Variants in NAALADL2 observed in about 807,000 individuals in gnomAD.
The protein encoded by NAALADL2 is inactive N-acetylated-alpha-linked acidic dipeptidase-like protein 2.
A neutral mutation model predicts 87.2 loss-of-function variants in NAALADL2; 76 were observed. The ratio of observed to expected loss-of-function variants is 0.87; its 90% CI spans 0.72 to 1.05. The LOEUF (loss-of-function observed/expected upper bound fraction) is 1.05, where lower values mean the gene tolerates loss of function less well. Ranked by LOEUF, NAALADL2 falls within the 50% of genes least tolerant of loss-of-function variation. The pLI, the probability that NAALADL2 is intolerant of heterozygous loss-of-function variation, is 0.00. For missense variants in NAALADL2, 1,089 were observed against 945.8 expected, an observed-to-expected ratio of 1.15 and a Z score of -1.99; for synonymous variants, 354 against 331.0, an observed-to-expected ratio of 1.07 and a Z score of -0.75.
chr3:174,529,175 T>C lies in NAALADL2; in HGVS notation c.-183-21394T>C, dbSNP rs148756103. On this transcript the variant is annotated intron_variant, in intron 1 of 3. Transcript: ENST00000434257. The stretch of plus-strand genomic sequence containing the variant: ...ATAAGAATGAGGTAAATACACCTAT[T>C]CTTAATGGGAGACACTGTCCAAAAC... 4.8e-3 allele frequency among the ~76,000 whole-genome samples: 732 copies of C among 152,316 alleles called. 2 individuals carry two copies. The highest frequency in any genetic ancestry group is 7.7e-3 in the Non-Finnish European group (522 of 68,024).
rs1760431304 is a variant in NAALADL2, at chr3:175,324,438, A to G, written c.1090+113A>G. 8.8e-6 allele frequency: 7 copies of G among 798,882 alleles called. No individual in the cohort carries two copies. The South Asian group carries it at 1.8e-4, about 20-fold the overall frequency. The allele number at this position is 798,882 out of a possible 1,614,324, so 49.5% of individuals were successfully genotyped here. A position where few individuals can be genotyped will look rare whatever the true frequency, so the allele number is the denominator to read the frequency against. On this transcript the variant is annotated intron_variant, in intron 5 of 13. Transcript: ENST00000454872. The stretch of plus-strand genomic sequence containing the variant: ...GATGTCAAATAATTCTTAGCATCCC[A>G]TCTTATTATTTTAAAAAGCAATTTA...
intron 2 of NAALADL2, among the ~76,000 whole-genome samples, chr3:174,617,136 A>G (rs1230618491): frequency 1.3e-5 from 2 of 151,784 alleles, no homozygotes; most frequent in African/African-American, 4.8e-5. Context: ...AAGGTACTAA[A>G]TCTAATGCAA....
chr3:175,632,063 A>T (rs925936954), intron 11 of NAALADL2, among the ~76,000 whole-genome samples: 2 of 152,012 alleles, frequency 1.3e-5, no homozygotes, highest in Non-Finnish European at 2.9e-5. Context: ...ATGGGAGGAA[A>T]GAAGATGGAG....
chr3:174,938,848 G>T (rs1667021500), intron 1 of NAALADL2, among the ~76,000 whole-genome samples: 1 of 151,904 alleles, frequency 6.6e-6, no homozygotes, highest in Non-Finnish European at 1.5e-5. Flanking sequence ...CATATCCTTT[G>T]TCTACTTTTT....
intron 2 of NAALADL2, among the ~76,000 whole-genome samples, chr3:175,205,569 A>C (rs1560162486): frequency 6.6e-6 from 1 of 152,128 alleles, no homozygotes; most frequent in Non-Finnish European, 1.5e-5. Flanking sequence ...CCAAAAGCAA[A>C]TGCAATAAAA....
At chr3:174,563,247 G>C (rs1578178794) in intron 2 of NAALADL2, among the ~76,000 whole-genome samples, 1 of 151,424 alleles carries the variant, frequency 6.6e-6, no homozygotes, top group Non-Finnish European at 1.5e-5. Flanking sequence ...TCTTTAGCAT[G>C]TTTATTTCTT....
chr3:174,559,628 T>C (rs2108509023), intron 2 of NAALADL2, among the ~76,000 whole-genome samples: 1 of 152,330 alleles, frequency 6.6e-6, no homozygotes, highest in South Asian at 2.1e-4. Flanking sequence ...GCTAGAAGTC[T>C]GAAATTAGGT....
intron 13 of NAALADL2, 85 bp from the exon 14 acceptor site, chr3:175,802,920 T>A (rs1241566243): frequency 1.6e-5 from 13 of 816,994 alleles, no homozygotes; most frequent in Middle Eastern, 2.3e-4. Flanking sequence ...AAAACATCAC[T>A]GACTCTTAGA....
intron 2 of NAALADL2, among the ~76,000 whole-genome samples, chr3:175,148,801 G>A (rs1201749511): frequency 6.6e-6 from 1 of 152,062 alleles, no homozygotes; most frequent in East Asian, 1.9e-4. Context: ...ATTGGTCTAT[G>A]TGTCTCTTTT....
chr3:175,706,549 G>A (rs1479064633), intron 11 of NAALADL2, among the ~76,000 whole-genome samples: 1 of 152,100 alleles, frequency 6.6e-6, no homozygotes, highest in Non-Finnish European at 1.5e-5. Flanking sequence ...ATGAGTAACA[G>A]CTATTGTAGA....
intron 1 of NAALADL2, among the ~76,000 whole-genome samples, chr3:174,872,961 T>C (rs1395499337): frequency 6.6e-6 from 1 of 152,184 alleles, no homozygotes; most frequent in African/African-American, 2.4e-5. Flanking sequence ...TTGACTTTTC[T>C]TGCAAATGGA....
chr3:175,731,586 G>C (rs948380501), intron 11 of NAALADL2, among the ~76,000 whole-genome samples: 1 of 152,180 alleles, frequency 6.6e-6, no homozygotes, highest in African/African-American at 2.4e-5. Flanking sequence ...GAGTGGGTAA[G>C]AATATGCAGT....
intron 12 of NAALADL2, among the ~76,000 whole-genome samples, chr3:175,743,285 G>C (rs1583081143): frequency 6.6e-6 from 1 of 152,168 alleles, no homozygotes; most frequent in Admixed American, 6.5e-5. Flanking sequence ...ACAGGCATGA[G>C]CCACCATGCC....
chr3:175,360,037 G>C (rs1003112514), intron 5 of NAALADL2, among the ~76,000 whole-genome samples: 2 of 152,102 alleles, frequency 1.3e-5, no homozygotes, highest in Non-Finnish European at 2.9e-5. Flanking sequence ...CTTAAGAAAG[G>C]AGATTATTGA....
At chr3:175,436,320 T>A (rs1205385719) in intron 5 of NAALADL2, among the ~76,000 whole-genome samples, 1 of 149,568 alleles carries the variant, frequency 6.7e-6, no homozygotes, top group African/African-American at 2.5e-5. Flanking sequence ...TACGTGTGCA[T>A]GCGTCTTTAT....
chr3:175,047,611 A>C (rs1044240067), intron 1 of NAALADL2, among the ~76,000 whole-genome samples: 2 of 152,184 alleles, frequency 1.3e-5, no homozygotes, highest in Non-Finnish European at 2.9e-5. Flanking sequence ...AAACTTTGTA[A>C]ATGTACCCAA....
intron 5 of NAALADL2, among the ~76,000 whole-genome samples, chr3:175,375,128 C>T (rs188176814): frequency 6.6e-6 from 1 of 152,182 alleles, no homozygotes; most frequent in Admixed American, 6.5e-5. Flanking sequence ...CTATTCTGTT[C>T]CAGTGAGCTG....
rs182573996 is a variant in NAALADL2, at chr3:174,800,516, G to C, written c.-9+62770G>C. On this transcript the variant is annotated intron_variant, in intron 3 of 3. Coordinates refer to the NAALADL2 transcript ENST00000434257. ...GCTTGGATGCCCAGGCAAAAGTTTG[G>C]TATAGAGGTGGGGCCCTCATGGAGA... Among the ~76,000 whole-genome samples, 21 of 152,262 alleles carry C rather than the reference G, an allele frequency of 1.4e-4. No individual in the cohort carries two copies. In the East Asian group the frequency reaches 3.7e-3, roughly 27 times the overall value.
chr3:175,319,791 G>C (rs1241524434), intron 4 of NAALADL2, among the ~76,000 whole-genome samples: 1 of 152,172 alleles, frequency 6.6e-6, no homozygotes, highest in African/African-American at 2.4e-5. Context: ...CTGCAATCCA[G>C]CCTGGGCGAC....
Sources: allele counts gnomAD v4.1 joint callset (sites outside exome capture counted in the v4.1 genomes callset), GRCh38; gene constraint gnomAD v4.1.1; transcripts MANE v1.5; gene names NCBI Gene and HGNC (gene_info 2026-07-23, HGNC 2026-07-21).